SFMBT1: variants seen among roughly 807,000 people sequenced by gnomAD.
SFMBT1 encodes scm-like with four MBT domains protein 1.
SFMBT1 carries 32 observed loss-of-function variants against 108.7 expected under a neutral mutation model. That is an observed-to-expected ratio of 0.29 (90% CI 0.22 to 0.40). SFMBT1 has a LOEUF of 0.40. SFMBT1 is among the 10% of genes least tolerant of loss of function. SFMBT1 has a pLI of 1.00. For missense variants in SFMBT1, 816 were observed against 1,059.6 expected (o/e 0.77, Z 3.19); for synonymous variants, 348 against 369.5 (o/e 0.94, Z 0.67).
intron 13 of SFMBT1, among the ~76,000 whole-genome samples, chr3:52,917,565 G>A (rs1404406177): frequency 6.6e-6 from 1 of 152,042 alleles, no homozygotes; most frequent in East Asian, 1.9e-4. Context: ...TTTAAAGCAG[G>A]GGTCCCCAAC....
intron 1 of SFMBT1, among the ~76,000 whole-genome samples, chr3:53,042,242 T>C (rs1432565746): frequency 6.6e-6 from 1 of 152,224 alleles, no homozygotes; most frequent in African/African-American, 2.4e-5. Flanking sequence ...TACCTGCTGC[T>C]ACACCACCAT....
At chr3:52,919,764 C>T (rs1020209030) in intron 12 of SFMBT1, among the ~76,000 whole-genome samples, 1 of 152,224 alleles carries the variant, frequency 6.6e-6, no homozygotes, top group Non-Finnish European at 1.5e-5. Flanking sequence ...GAGAGGCCCA[C>T]ATGGCAACGA....
At chr3:53,001,740 T>C (rs1465011312) in intron 1 of SFMBT1, among the ~76,000 whole-genome samples, 1 of 145,572 alleles carries the variant, frequency 6.9e-6, no homozygotes, top group Non-Finnish European at 1.5e-5. Flanking sequence ...AAATGGGAGA[T>C]CCTATCTCTA....
chr3:52,915,954 T>C (rs934621389), intron 14 of SFMBT1, among the ~76,000 whole-genome samples, 196 bp downstream of exon 14: 14 of 152,308 alleles, frequency 9.2e-5, no homozygotes, highest in African/African-American at 3.4e-4. Flanking sequence ...TTATTAGAAA[T>C]GGACGGAACT....
In SFMBT1 at chr3:53,001,225, C is replaced by A; in HGVS notation, c.-130-31967G>T. 1.3e-5 allele frequency among the ~76,000 whole-genome samples: 2 copies of A among 150,138 alleles called. 1 individual carries two copies. The highest frequency in any genetic ancestry group is 3.0e-5 in the Non-Finnish European group (2 of 67,018). On this transcript the variant is annotated intron_variant, in intron 1 of 20. Coordinates refer to ENST00000394752, the MANE Select transcript of SFMBT1 (RefSeq NM_016329.4). ...ACAAGTACACATAAATATTAAAGTT[C>A]TTTCAGCCTGGGCAACATAGTGAGA...
intron 1 of SFMBT1, among the ~76,000 whole-genome samples, chr3:53,038,766 T>G (rs1482280316): frequency 6.6e-6 from 1 of 152,230 alleles, no homozygotes; most frequent in Non-Finnish European, 1.5e-5. Flanking sequence ...TCATTAAGCC[T>G]TTTTAAACAC....
intron 1 of SFMBT1, among the ~76,000 whole-genome samples, chr3:53,041,082 C>A (rs1490434759): frequency 6.9e-6 from 1 of 144,144 alleles, no homozygotes; most frequent in Non-Finnish European, 1.5e-5. Context: ...CTTGGTCTCC[C>A]AAAATGCTGG....
intron 1 of SFMBT1, among the ~76,000 whole-genome samples, chr3:53,027,753 G>A (rs6445554): frequency 0.015 from 2,338 of 152,238 alleles, 65 homozygotes; most frequent in African/African-American, 0.052. Flanking sequence ...ATGTAAATTC[G>A]TTAGGCATCA....
intron 1 of SFMBT1, among the ~76,000 whole-genome samples, chr3:53,012,152 G>C (rs1412886168): frequency 6.6e-6 from 1 of 152,140 alleles, no homozygotes; most frequent in Non-Finnish European, 1.5e-5. Context: ...AACATGAAAG[G>C]AAATTCAAGA....
At position 53,003,512 on chromosome 3, in the gene SFMBT1, C is replaced by T. The variant is rs959976676; in HGVS notation, c.-130-34254G>A. On this transcript the variant is annotated intron_variant, in intron 1 of 20. Coordinates refer to ENST00000394752, the MANE Select transcript of SFMBT1 (RefSeq NM_016329.4). ...GCCACGTGTTGATAATTGTGGGAACCAAGTAACATGATATTCTCTCCGTTT... is the reference window on the plus strand; with the variant it reads ...GCCACGTGTTGATAATTGTGGGAACTAAGTAACATGATATTCTCTCCGTTT... Among the ~76,000 whole-genome samples the T allele has an allele frequency of 4.7e-5, 7 of 149,768 alleles. 1 individual carries two copies. Among genetic ancestry groups the T allele is most frequent in the Non-Finnish European group, 7.5e-5 (5 of 66,892 alleles).
chr3:52,929,269 C>T (rs981560499), intron 8 of SFMBT1, among the ~76,000 whole-genome samples: 8 of 151,810 alleles, frequency 5.3e-5, no homozygotes, highest in Non-Finnish European at 1.0e-4. Context: ...GACGGAGTTT[C>T]GCTCTTGTTG....
Position 52,987,979 on chromosome 3 carries a change from C to G in SFMBT1, c.-130-18721G>C, listed in dbSNP as rs150021919. Among the ~76,000 whole-genome samples the G allele has an allele frequency of 3.0e-3, 451 of 152,266 alleles. 1 individual carries two copies. Among genetic ancestry groups the G allele is most frequent in the African/African-American group, 0.01 (433 of 41,544 alleles). On this transcript the variant is annotated intron_variant, in intron 1 of 20. Transcript: ENST00000394752. ...AATTTAGCCAAAAGGCTAAAAAAAT[C>G]AGTGTAATAAACAGCCATCATCAAA...
intron 3 of SFMBT1, among the ~76,000 whole-genome samples, chr3:52,953,531 T>C (rs997705226): frequency 8.6e-5 from 13 of 151,816 alleles, no homozygotes; most frequent in African/African-American, 3.1e-4. Flanking sequence ...ACAGGGCAAA[T>C]ATGTTGTCAT....
Position 52,944,330 on chromosome 3 carries a change from T to G in SFMBT1, c.124-737A>C, listed in dbSNP as rs142405568. Among the ~76,000 whole-genome samples the G allele has an allele frequency of 5.3e-4, 80 of 152,208 alleles. 1 individual carries two copies. The highest frequency in any genetic ancestry group is 3.4e-3 in the Middle Eastern group (1 of 294). ...TCTGAACAGGGACATGATGATGGATTGGTAGGCAGATAGAGACAGACAGAC... is the reference window on the plus strand; with the variant it reads ...TCTGAACAGGGACATGATGATGGATGGGTAGGCAGATAGAGACAGACAGAC... On this transcript the variant is annotated intron_variant, in intron 3 of 20. Coordinates refer to ENST00000394752, the MANE Select transcript of SFMBT1 (RefSeq NM_016329.4).
intron 1 of SFMBT1, among the ~76,000 whole-genome samples, chr3:53,023,301 T>C (rs946800433): frequency 1.3e-5 from 2 of 152,164 alleles, no homozygotes; most frequent in African/African-American, 4.8e-5. Flanking sequence ...AGGGCCACAG[T>C]GAAGATATGT....
At chr3:52,995,535 C>A (rs1698293587) in intron 1 of SFMBT1, among the ~76,000 whole-genome samples, 1 of 149,962 alleles carries the variant, frequency 6.7e-6, no homozygotes, top group African/African-American at 2.4e-5. Flanking sequence ...GGACTACAGG[C>A]ATATGCCACC....
chr3:52,913,064 C>T (rs1702254852), intron 15 of SFMBT1, among the ~76,000 whole-genome samples: 1 of 152,216 alleles, frequency 6.6e-6, no homozygotes, highest in Non-Finnish European at 1.5e-5. Flanking sequence ...ACCCTGAGGG[C>T]TGAAAGGTCT....
rs528270317 is a variant in SFMBT1 at position 52,905,240 on chromosome 3, G to A, written c.2497C>T (p.Pro833Ser). The change falls in exon 21 of 21, where the codon CCC becomes TCC. Residue 833 changes from proline (P) to serine (S), a missense_variant. Transcript: ENST00000394752. ...DGQALLLLTLPTVQECMDLKL... is the reference protein window; with the variant it reads ...DGQALLLLTLSTVQECMDLKL... Reference sequence around the variant, plus strand: ...AAGTCCATGCATTCTTGAACAGTGGGAAGGGTAAGGAGCAACAGGGCCTGC... The same window carrying A: ...AAGTCCATGCATTCTTGAACAGTGGAAAGGGTAAGGAGCAACAGGGCCTGC... 4.2e-5 allele frequency: 68 copies of A among 1,613,880 alleles called. No individual in the cohort carries two copies. Among genetic ancestry groups the A allele is most frequent in the Admixed American group, 5.0e-5 (3 of 59,984 alleles).
At chr3:52,921,897 G>GAAAACC in intron 10 of SFMBT1, 66 bp from the exon 11 acceptor site, 1 of 1,544,954 alleles carries the variant, frequency 6.5e-7, no homozygotes, top group Non-Finnish European at 8.9e-7. Context: ...TGCTCAGCTA[G>GAAAACC]AAAACCTTTT....
Sources: allele counts gnomAD v4.1 joint callset (sites outside exome capture counted in the v4.1 genomes callset), GRCh38; gene constraint gnomAD v4.1.1; transcripts MANE v1.5; gene names NCBI Gene and HGNC (gene_info 2026-07-23, HGNC 2026-07-21).